The following MACROD2 variants were observed in gnomAD, a reference collection of about 807,000 sequenced individuals.
MACROD2 encodes mono-ADP ribosylhydrolase 2, also known as ADP-ribose glycohydrolase MACROD2.
MACROD2 carries 36 observed loss-of-function variants against 70.4 expected under a neutral mutation model. The observed-to-expected ratio is 0.51, with a 90% CI of 0.39 to 0.68. MACROD2 has a LOEUF of 0.68. MACROD2 is among the 30% of genes least tolerant of loss of function. The pLI is 0.00. For synonymous variants in MACROD2, 172 were observed against 178.8 expected, an observed-to-expected ratio of 0.96 and a Z score of 0.30; for missense variants, 496 against 538.4, an observed-to-expected ratio of 0.92 and a Z score of 0.78.
chr20:16,012,186 C>G (rs961747819), intron 15 of MACROD2, among the ~76,000 whole-genome samples: 2 of 152,176 alleles, frequency 1.3e-5, no homozygotes, highest in African/African-American at 4.8e-5. Context: ...GAAGTGGGCA[C>G]AAAGCCCCTT....
At chr20:14,121,593 A>G (rs1370508530) in intron 3 of MACROD2, among the ~76,000 whole-genome samples, 2 of 152,190 alleles carry the variant, frequency 1.3e-5, no homozygotes, top group Non-Finnish European at 2.9e-5. Context: ...ATTTGGTTAG[A>G]TGAAATGTGG....
intron 3 of MACROD2, among the ~76,000 whole-genome samples, chr20:14,116,633 T>G (rs543471022): frequency 2.6e-4 from 39 of 152,328 alleles, no homozygotes; most frequent in African/African-American, 8.7e-4. Flanking sequence ...AAATTACTGA[T>G]TACTCCACCT....
intron 10 of MACROD2, among the ~76,000 whole-genome samples, chr20:15,914,009 G>A (rs1000842869): frequency 1.3e-5 from 2 of 152,226 alleles, no homozygotes; most frequent in Non-Finnish European, 1.5e-5. Context: ...GGAGGGGGCA[G>A]TGAAATTGAG....
intron 5 of MACROD2, among the ~76,000 whole-genome samples, chr20:14,803,429 A>G (rs2072601939): frequency 6.6e-6 from 1 of 152,082 alleles, no homozygotes; most frequent in Non-Finnish European, 1.5e-5. Context: ...CTATGTGTAA[A>G]TTAAATCACA....
At chr20:15,417,668 G>A (rs2046174300) in intron 6 of MACROD2, among the ~76,000 whole-genome samples, 1 of 150,680 alleles carries the variant, frequency 6.6e-6, no homozygotes, top group Non-Finnish European at 1.5e-5. Flanking sequence ...CTGGGAGCCA[G>A]CAACAGCAAT....
At chr20:15,224,980 G>T (rs1487401371) in intron 5 of MACROD2, among the ~76,000 whole-genome samples, 2 of 141,184 alleles carry the variant, frequency 1.4e-5, no homozygotes, top group African/African-American at 2.6e-5. Flanking sequence ...AAAAAAAAAA[G>T]TATGCTCCTA....
chr20:15,618,598 A>G (rs1232304902), intron 8 of MACROD2, among the ~76,000 whole-genome samples: 2 of 152,040 alleles, frequency 1.3e-5, no homozygotes, highest in Non-Finnish European at 2.9e-5. Context: ...GTAAAACAAA[A>G]CATGTTCAAG....
intron 7 of MACROD2, among the ~76,000 whole-genome samples, chr20:15,452,522 G>A (rs377593148): frequency 2.0e-5 from 3 of 152,138 alleles, no homozygotes; most frequent in South Asian, 4.1e-4. Context: ...AAATGTCCCC[G>A]TGATGTTAGA....
chr20:14,177,090 T>C (rs2148728227), intron 3 of MACROD2, among the ~76,000 whole-genome samples: 1 of 152,306 alleles, frequency 6.6e-6, no homozygotes, highest in East Asian at 1.9e-4. Context: ...AAGATGTTAG[T>C]TCTCCTTACT....
chr20:15,284,204 C>T (rs1206647374), intron 6 of MACROD2, among the ~76,000 whole-genome samples: 1 of 152,104 alleles, frequency 6.6e-6, no homozygotes, highest in Non-Finnish European at 1.5e-5. Flanking sequence ...TTCTCTCATT[C>T]TCCAGCCTCC....
intron 4 of MACROD2, among the ~76,000 whole-genome samples, chr20:14,571,871 T>C (rs1276278259): frequency 6.6e-6 from 1 of 152,116 alleles, no homozygotes; most frequent in Non-Finnish European, 1.5e-5. Context: ...TAATACCTTG[T>C]CTTTATGTAT....
At chr20:15,519,393 A>C (rs922782237) in intron 8 of MACROD2, among the ~76,000 whole-genome samples, 3 of 152,024 alleles carry the variant, frequency 2.0e-5, no homozygotes, top group African/African-American at 4.8e-5. Context: ...CAAAGTACTG[A>C]GATTACAGGC....
At chr20:15,507,727 G>A (rs2047446417) in intron 8 of MACROD2, among the ~76,000 whole-genome samples, 1 of 152,082 alleles carries the variant, frequency 6.6e-6, no homozygotes, top group South Asian at 2.1e-4. Flanking sequence ...TTTGCCAAGT[G>A]GACAGATCCA....
chr20:14,480,918 A>G (rs534969763), intron 3 of MACROD2, among the ~76,000 whole-genome samples: 1 of 152,272 alleles, frequency 6.6e-6, no homozygotes, highest in Admixed American at 6.5e-5. Flanking sequence ...CTAACATTTT[A>G]CTATATATTA....
intron 5 of MACROD2, among the ~76,000 whole-genome samples, chr20:15,210,829 A>G (rs1458738153): frequency 6.6e-6 from 1 of 152,088 alleles, no homozygotes; most frequent in Non-Finnish European, 1.5e-5. Context: ...GCCTTCCACT[A>G]TGATTATAAG....
intron 3 of MACROD2, among the ~76,000 whole-genome samples, chr20:14,248,871 T>C (rs1260138777): frequency 6.6e-6 from 1 of 151,994 alleles, no homozygotes; most frequent in Non-Finnish European, 1.5e-5. Context: ...ATCCATAACT[T>C]TTTTCGATAT....
intron 3 of MACROD2, among the ~76,000 whole-genome samples, chr20:14,348,938 C>G (rs963371788): frequency 1.1e-4 from 17 of 152,170 alleles, no homozygotes; most frequent in African/African-American, 3.9e-4. Context: ...CATGGTGGTA[C>G]ATGCCTATGG....
chr20:14,595,214 G>T (rs1476846003), intron 4 of MACROD2, among the ~76,000 whole-genome samples: 1 of 152,112 alleles, frequency 6.6e-6, no homozygotes, highest in Non-Finnish European at 1.5e-5. Flanking sequence ...AAGCCCGGGG[G>T]TCCTTGTCAC....
intron 4 of MACROD2, among the ~76,000 whole-genome samples, chr20:14,621,158 G>A (rs1983803481): frequency 1.3e-5 from 2 of 152,086 alleles, no homozygotes; most frequent in African/African-American, 4.8e-5. Context: ...GGGATGTTGT[G>A]TGGATAAACT....
Sources: gnomAD v4.1 joint callset for allele counts (sites outside exome capture counted in the v4.1 genomes callset) on GRCh38, gnomAD v4.1.1 for gene constraint, MANE v1.5 for transcripts, NCBI Gene and HGNC (gene_info 2026-07-23, HGNC 2026-07-21) for gene names.